Variants in CREB5 observed in about 807,000 individuals in gnomAD.
The protein encoded by CREB5 is cyclic AMP-responsive element-binding protein 5.
In CREB5, 19 loss-of-function variants were observed where a neutral mutation model predicts 57.1. That is an observed-to-expected ratio of 0.33 (90% CI 0.23 to 0.49). CREB5 has a LOEUF of 0.49. Among genes scored for constraint, CREB5 ranks in the 20% least tolerant of loss-of-function variants. The pLI is 0.99. For synonymous variants in CREB5, 238 were observed against 238.3 expected (o/e 1.00, Z 0.01); for missense variants, 579 against 671.6 (o/e 0.86, Z 1.52).
intron 5 of CREB5, among the ~76,000 whole-genome samples, chr7:28,619,693 C>G (rs1797723097): frequency 6.6e-6 from 1 of 152,162 alleles, no homozygotes; most frequent in Non-Finnish European, 1.5e-5. Context: ...GTACATAAAA[C>G]TATCATTCAT....
intron 4 of CREB5, among the ~76,000 whole-genome samples, chr7:28,531,850 G>A (rs1793745337): frequency 6.6e-6 from 1 of 151,996 alleles, no homozygotes; most frequent in Non-Finnish European, 1.5e-5. Flanking sequence ...CTAACATGGT[G>A]AAACCCTGTC....
At chr7:28,801,226 G>A (rs1808344707) in intron 7 of CREB5, among the ~76,000 whole-genome samples, 1 of 152,110 alleles carries the variant, frequency 6.6e-6, no homozygotes, top group Non-Finnish European at 1.5e-5. Context: ...ACAGGACTGG[G>A]GTTTAGGGGA....
At chr7:28,743,349 C>G (rs1034885743) in intron 7 of CREB5, among the ~76,000 whole-genome samples, 1 of 151,990 alleles carries the variant, frequency 6.6e-6, no homozygotes, top group Non-Finnish European at 1.5e-5. Flanking sequence ...CCTGGGCAAC[C>G]TGGTGAAACC....
intron 4 of CREB5, among the ~76,000 whole-genome samples, chr7:28,537,795 T>C (rs746298206): frequency 2.6e-5 from 4 of 152,212 alleles, no homozygotes; most frequent in Non-Finnish European, 5.9e-5. Context: ...TACATGCACA[T>C]TCTTCTTTTT....
chr7:28,675,623 C>G (rs1301518144), intron 5 of CREB5, among the ~76,000 whole-genome samples: 1 of 152,110 alleles, frequency 6.6e-6, no homozygotes, highest in Non-Finnish European at 1.5e-5. Context: ...TCAAGTAACA[C>G]CAAATAGCCT....
At chr7:28,736,101 G>A (rs1029738106) in intron 7 of CREB5, among the ~76,000 whole-genome samples, 14 of 151,970 alleles carry the variant, frequency 9.2e-5, no homozygotes, top group African/African-American at 2.9e-4. Context: ...ACCTGGCCCC[G>A]TGTGCTTGCT....
intron 7 of CREB5, among the ~76,000 whole-genome samples, chr7:28,803,867 T>C (rs1402058832): frequency 6.6e-6 from 1 of 152,156 alleles, no homozygotes; most frequent in African/African-American, 2.4e-5. Context: ...TTGCATTCAG[T>C]TGTAGATACG....
At chr7:28,695,464 G>A (rs1053373075) in intron 5 of CREB5, among the ~76,000 whole-genome samples, 1 of 152,166 alleles carries the variant, frequency 6.6e-6, no homozygotes, top group African/African-American at 2.4e-5. Context: ...CCAACAGGCA[G>A]GCCCTTGAGA....
At chr7:28,435,594 A>G in intron 1 of CREB5, 4 of 978,866 alleles carry the variant, frequency 4.1e-6, no homozygotes, top group Non-Finnish European at 4.9e-6. Context: ...TCAAACATTT[A>G]TTTTCTTTGC....
rs70977045 is a variant in CREB5, at chr7:28,453,958, C to CT, written c.4-34204dup. On this transcript the variant is annotated intron_variant, in intron 1 of 10. Coordinates refer to ENST00000357727, the MANE Select transcript of CREB5 (RefSeq NM_182898.4). ...AACTGAAAGAGACTCCTCTCCAATT[C>CT]TTTTTTTTTTTTTGAGATGGAGTCT... Among the ~76,000 whole-genome samples, 761 of 132,550 alleles carry CT rather than the reference C, an allele frequency of 5.7e-3. 15 individuals carry two copies. Among genetic ancestry groups the CT allele is most frequent in the Non-Finnish European group, 9.2e-3 (574 of 62,404 alleles). The allele number at this position is 132,550 out of a possible 152,430, so 87.0% of individuals were successfully genotyped here. A position where few individuals can be genotyped will look rare whatever the true frequency, so the allele number is the denominator to read the frequency against.
intron 1 of CREB5, among the ~76,000 whole-genome samples, chr7:28,355,851 A>T (rs1434109269): frequency 6.6e-6 from 1 of 152,240 alleles, no homozygotes; most frequent in African/African-American, 2.4e-5. Context: ...CACAGAGCGT[A>T]ACACCTGATA....
chr7:28,367,374 C>T (rs1425308446), intron 1 of CREB5, among the ~76,000 whole-genome samples: 2 of 152,224 alleles, frequency 1.3e-5, no homozygotes, highest in East Asian at 3.8e-4. Flanking sequence ...CCACATCCAA[C>T]CAACCTGTTC....
At chr7:28,339,445 G>C (rs1454373753) in intron 1 of CREB5, among the ~76,000 whole-genome samples, 1 of 152,192 alleles carries the variant, frequency 6.6e-6, no homozygotes, top group African/African-American at 2.4e-5. Context: ...ACCAGGCAGA[G>C]ACTCTTATTC....
intron 1 of CREB5, among the ~76,000 whole-genome samples, chr7:28,432,333 C>CT (rs1395385411): frequency 1.3e-5 from 2 of 152,126 alleles, no homozygotes; most frequent in Non-Finnish European, 2.9e-5. Context: ...TTGGCATAAT[C>CT]TGTGCATATT....
At chr7:28,321,703 G>T (rs577999094) in intron 1 of CREB5, among the ~76,000 whole-genome samples, 6 of 152,266 alleles carry the variant, frequency 3.9e-5, no homozygotes, top group African/African-American at 1.2e-4. Context: ...GGTGAGTGGG[G>T]GACTGCACAG....
chr7:28,448,721 G>A lies in CREB5; in HGVS notation c.3+35804G>A, dbSNP rs114824728. Among the ~76,000 whole-genome samples the A allele has an allele frequency of 7.0e-3, 1,059 of 152,346 alleles. 9 individuals carry two copies. The highest frequency in any genetic ancestry group is 0.024 in the African/African-American group (997 of 41,574). On this transcript the variant is annotated intron_variant, in intron 1 of 10. Transcript: ENST00000357727. ...TGCAGGGGTAGATGGAGTCACAGGA[G>A]GAGGAATTGACGAGCTAGCTGGGTT... is the stretch of plus-strand genomic sequence containing the variant.
intron 5 of CREB5, among the ~76,000 whole-genome samples, chr7:28,682,337 C>T (rs1400292950): frequency 1.3e-5 from 2 of 152,296 alleles, no homozygotes; most frequent in Admixed American, 6.5e-5. Context: ...TGTGAAAACA[C>T]GGGACACCCA....
intron 1 of CREB5, among the ~76,000 whole-genome samples, chr7:28,427,412 A>T (rs569484250): frequency 6.6e-6 from 1 of 152,152 alleles, no homozygotes; most frequent in African/African-American, 2.4e-5. Flanking sequence ...GTGGATTTTT[A>T]AAAAATGATT....
At chr7:28,373,750 C>T (rs1295298128) in intron 1 of CREB5, among the ~76,000 whole-genome samples, 3 of 151,946 alleles carry the variant, frequency 2.0e-5, no homozygotes, top group Admixed American at 6.6e-5. Flanking sequence ...AATACTGTTA[C>T]ATATTTTCTA....
Sources: gnomAD v4.1 joint callset for allele counts (sites outside exome capture counted in the v4.1 genomes callset) on GRCh38, gnomAD v4.1.1 for gene constraint, MANE v1.5 for transcripts, NCBI Gene and HGNC (gene_info 2026-07-23, HGNC 2026-07-21) for gene names.